DLGAP1: variants seen among roughly 807,000 people sequenced by gnomAD.
DLGAP1 encodes DLG associated protein 1, also known as disks large-associated protein 1.
DLGAP1 carries 11 observed loss-of-function variants against 90.8 expected under a neutral mutation model. The ratio of observed to expected loss-of-function variants is 0.12; its 90% CI spans 0.08 to 0.20. The LOEUF is 0.20. Among genes scored for constraint, DLGAP1 ranks in the 10% least tolerant of loss-of-function variants. The pLI is 1.00. For synonymous variants in DLGAP1, 558 were observed against 540.7 expected, an observed-to-expected ratio of 1.03 and a Z score of -0.44; for missense variants, 1,050 against 1,333.8, an observed-to-expected ratio of 0.79 and a Z score of 3.31.
At chr18:4,243,257 C>T (rs1367499476) in intron 1 of DLGAP1, among the ~76,000 whole-genome samples, 2 of 152,196 alleles carry the variant, frequency 1.3e-5, no homozygotes, top group Non-Finnish European at 2.9e-5. Context: ...TTAAAAAGTG[C>T]CTCTGCGGAG....
In DLGAP1 at chr18:3,565,789, T is replaced by G. The variant is rs764831647; in HGVS notation, c.2057+1701A>C. Among the ~76,000 whole-genome samples, 6 of 151,792 alleles carry G rather than the reference T, an allele frequency of 4.0e-5. No homozygotes were observed. Among genetic ancestry groups the G allele is most frequent in the Non-Finnish European group, 7.4e-5 (5 of 67,968 alleles). ...GGCGGAGGTTGCAGTGAGCCGAAAT[T>G]GCACCACTGCACCCCAGCCTGGGCG... On this transcript the variant is annotated intron_variant, in intron 9 of 12. Coordinates refer to ENST00000315677, the MANE Select transcript of DLGAP1 (RefSeq NM_004746.4). This position sits in a 1 kb window ranked among gnomAD's most constrained non-coding sequence, Gnocchi z 4.0.
intron 3 of DLGAP1, among the ~76,000 whole-genome samples, chr18:3,969,705 C>T (rs1269912575): frequency 6.6e-6 from 1 of 152,126 alleles, no homozygotes; most frequent in Non-Finnish European, 1.5e-5. Context: ...TAGTGACTAT[C>T]CACAGATTAT....
chr18:4,148,122 GC>G (rs916919240), intron 2 of DLGAP1, among the ~76,000 whole-genome samples: 5 of 152,066 alleles, frequency 3.3e-5, no homozygotes, highest in Admixed American at 3.3e-4. Flanking sequence ...GCTGCTAAAA[GC>G]CTAAAAGGAA....
At chr18:4,067,271 C>A (rs778779633) in intron 2 of DLGAP1, among the ~76,000 whole-genome samples, 2 of 151,652 alleles carry the variant, frequency 1.3e-5, no homozygotes, top group Admixed American at 6.6e-5. Flanking sequence ...ACAACAGACA[C>A]CCATGACACA....
At chr18:3,624,536 G>A (rs2058220919) in intron 7 of DLGAP1, among the ~76,000 whole-genome samples, 2 of 152,134 alleles carry the variant, frequency 1.3e-5, no homozygotes, top group South Asian at 2.1e-4. Flanking sequence ...TTTCTGCCGC[G>A]TCATTTTCTC....
intron 1 of DLGAP1, among the ~76,000 whole-genome samples, chr18:4,251,709 A>C (rs568735315): frequency 6.6e-6 from 1 of 152,352 alleles, no homozygotes; most frequent in African/African-American, 2.4e-5. Context: ...TGTCTAAAGA[A>C]GCAGGGGGTG....
chr18:4,314,290 T>C (rs1309737860), intron 1 of DLGAP1, among the ~76,000 whole-genome samples: 1 of 152,182 alleles, frequency 6.6e-6, no homozygotes, highest in Non-Finnish European at 1.5e-5. Flanking sequence ...TAATGCCCCA[T>C]GATCTGAGAA....
At chr18:4,296,192 A>G (rs1375925626) in intron 1 of DLGAP1, among the ~76,000 whole-genome samples, 1 of 152,208 alleles carries the variant, frequency 6.6e-6, no homozygotes, top group African/African-American at 2.4e-5. Flanking sequence ...TTGCCTTATT[A>G]TAATTAAGCA....
chr18:4,421,435 T>G (rs1567908685), intron 1 of DLGAP1, among the ~76,000 whole-genome samples: 1 of 152,152 alleles, frequency 6.6e-6, no homozygotes, highest in African/African-American at 2.4e-5. Context: ...CTTTGCCATA[T>G]AAGGTAATGT....
At chr18:4,162,220 G>A (rs757340181) in intron 1 of DLGAP1, among the ~76,000 whole-genome samples, 4 of 152,134 alleles carry the variant, frequency 2.6e-5, no homozygotes, top group Admixed American at 6.6e-5. Context: ...CTCATAGGCA[G>A]AAGAGCTTAT....
At chr18:3,997,534 T>C (rs1314059509) in intron 3 of DLGAP1, among the ~76,000 whole-genome samples, 1 of 152,174 alleles carries the variant, frequency 6.6e-6, no homozygotes, top group Non-Finnish European at 1.5e-5. Context: ...TCACTTAACA[T>C]GTTCCTCTGT....
At chr18:4,214,332 G>C (rs1300341801) in intron 1 of DLGAP1, among the ~76,000 whole-genome samples, 1 of 151,680 alleles carries the variant, frequency 6.6e-6, no homozygotes, top group African/African-American at 2.4e-5. Flanking sequence ...TTGGTGGGGG[G>C]AAAAGGATTC....
At chr18:4,219,215 T>G (rs2078026870) in intron 1 of DLGAP1, among the ~76,000 whole-genome samples, 1 of 151,940 alleles carries the variant, frequency 6.6e-6, no homozygotes, top group African/African-American at 2.4e-5. Context: ...AATTTGCGTT[T>G]CTCTAATGAT....
At chr18:4,258,018 C>CGT (rs1357869117) in intron 1 of DLGAP1, among the ~76,000 whole-genome samples, 354 of 143,578 alleles carry the variant, frequency 2.5e-3, no homozygotes, top group African/African-American at 9.4e-3. Flanking sequence ...TGTGCGCGCG[C>CGT]GCGCGTATAA....
chr18:4,196,014 C>T (rs1439295338), intron 1 of DLGAP1, among the ~76,000 whole-genome samples: 1 of 152,174 alleles, frequency 6.6e-6, no homozygotes, highest in Non-Finnish European at 1.5e-5. Flanking sequence ...GTTCTCATGC[C>T]TGTGGGTGCT....
chr18:3,765,290 C>G (rs1246897112), intron 5 of DLGAP1, among the ~76,000 whole-genome samples: 1 of 150,878 alleles, frequency 6.6e-6, no homozygotes, highest in Non-Finnish European at 1.5e-5. Context: ...GCCACCACGC[C>G]TGGCTAGTTT....
chr18:3,927,903 T>C (rs1461473515), intron 3 of DLGAP1, among the ~76,000 whole-genome samples: 1 of 152,212 alleles, frequency 6.6e-6, no homozygotes, highest in Non-Finnish European at 1.5e-5. Context: ...GGCTTGTACA[T>C]CAATAGTTCC....
intron 9 of DLGAP1, among the ~76,000 whole-genome samples, chr18:3,562,408 G>A (rs927330434): frequency 3.3e-5 from 5 of 152,036 alleles, no homozygotes; most frequent in African/African-American, 2.4e-5. Context: ...CGTTGTGGGA[G>A]GAACCTGGCA....
chr18:4,161,519 G>A (rs1483980196), intron 1 of DLGAP1, among the ~76,000 whole-genome samples: 1 of 152,040 alleles, frequency 6.6e-6, no homozygotes, highest in Non-Finnish European at 1.5e-5. Context: ...TTGATTCCAT[G>A]TCTTTGCTAT....
Sources: gnomAD v4.1 joint callset for allele counts (sites outside exome capture counted in the v4.1 genomes callset) on GRCh38, gnomAD v4.1.1 for gene constraint, Gnocchi (gnomAD v3.1) non-coding constraint, MANE v1.5 for transcripts, NCBI Gene and HGNC (gene_info 2026-07-23, HGNC 2026-07-21) for gene names.